The following ARHGAP31 variants were observed in gnomAD, a reference collection of about 807,000 sequenced individuals.
The protein encoded by ARHGAP31 is rho GTPase-activating protein 31.
ARHGAP31 carries 34 observed loss-of-function variants against 113.9 expected under a neutral mutation model. That is an observed-to-expected ratio of 0.30 (90% CI 0.23 to 0.40). ARHGAP31 has a LOEUF of 0.40. Among genes scored for constraint, ARHGAP31 ranks in the 10% least tolerant of loss-of-function variants. The pLI is 1.00. For missense variants in ARHGAP31, 1,548 were observed against 1,767.1 expected, an observed-to-expected ratio of 0.88 and a Z score of 2.22; for synonymous variants, 650 against 684.8, an observed-to-expected ratio of 0.95 and a Z score of 0.79.
chr3:119,296,620 GT>G (rs2079535928), intron 1 of ARHGAP31, among the ~76,000 whole-genome samples: 1 of 152,144 alleles, frequency 6.6e-6, no homozygotes, highest in Non-Finnish European at 1.5e-5. Context: ...AGCCCTGTTC[GT>G]TCTTACAAAC....
Position 119,295,024 on chromosome 3 carries a change from C to T in ARHGAP31, c.100+20C>T. 6.2e-7 allele frequency: 1 copy of T among 1,608,668 alleles called. No homozygotes were observed. The highest frequency in any genetic ancestry group is 2.2e-5 in the East Asian group (1 of 44,852). Reference sequence around the variant, plus strand: ...AGGATGGTAATGTGCCTTGGCCTTTCTCCCCCGCCCCCACCTTCTTTTTGT... The same window carrying T: ...AGGATGGTAATGTGCCTTGGCCTTTTTCCCCCGCCCCCACCTTCTTTTTGT... On this transcript the variant is annotated intron_variant, in intron 1 of 11. Coordinates refer to ENST00000264245, the MANE Select transcript of ARHGAP31 (RefSeq NM_020754.4).
intron 6 of ARHGAP31, among the ~76,000 whole-genome samples, chr3:119,388,882 C>T (rs991585603): frequency 7.2e-5 from 11 of 152,130 alleles, no homozygotes; most frequent in African/African-American, 2.7e-4. Flanking sequence ...AGGGGCCAGG[C>T]GCGGTGGCTC....
chr3:119,359,666 A>C (rs2080188828), intron 1 of ARHGAP31, among the ~76,000 whole-genome samples: 1 of 152,082 alleles, frequency 6.6e-6, no homozygotes, highest in Non-Finnish European at 1.5e-5. Flanking sequence ...AGAGGAGTGG[A>C]ACAGGGATGG....
intron 1 of ARHGAP31, among the ~76,000 whole-genome samples, chr3:119,300,042 A>G (rs1459107904): frequency 6.6e-6 from 1 of 152,180 alleles, no homozygotes; most frequent in African/African-American, 2.4e-5. Flanking sequence ...CTCCTGAGGC[A>G]GGTGCCCCTG....
At chr3:119,296,586 G>A (rs903253972) in intron 1 of ARHGAP31, among the ~76,000 whole-genome samples, 1 of 152,178 alleles carries the variant, frequency 6.6e-6, no homozygotes, top group Non-Finnish European at 1.5e-5. Context: ...TCAAATCTGT[G>A]AGAGTTGCAT....
chr3:119,364,981 C>T (rs2080240994), intron 1 of ARHGAP31, among the ~76,000 whole-genome samples: 1 of 152,102 alleles, frequency 6.6e-6, no homozygotes, highest in Non-Finnish European at 1.5e-5. Context: ...GTAATCCCAG[C>T]TACTCGGGAG....
intron 1 of ARHGAP31, among the ~76,000 whole-genome samples, chr3:119,317,468 C>T (rs983717879): frequency 2.0e-5 from 3 of 152,114 alleles, no homozygotes; most frequent in Admixed American, 6.6e-5. Flanking sequence ...TGAGTCACTG[C>T]GCCTGGCCAC....
rs1376035003 is a variant in ARHGAP31, at chr3:119,419,436, C to A, written c.*3172C>A. 1.3e-5 allele frequency: 2 copies of A among 152,124 alleles called. No homozygotes were observed. Among genetic ancestry groups the A allele is most frequent in the Non-Finnish European group, 2.9e-5 (2 of 68,032 alleles). 9.4% of individuals were successfully genotyped at this position (152,124 alleles called of 1,614,324 possible). On this transcript the variant is annotated 3_prime_UTR_variant, in exon 12 of 12. Transcript: ENST00000264245. Reference sequence around the variant, plus strand: ...CTAAAATTCAAAATATTGTCCAAGTCAAAAGTCTAGACTCTGAGGACATTA... The same window carrying A: ...CTAAAATTCAAAATATTGTCCAAGTAAAAAGTCTAGACTCTGAGGACATTA...
chr3:119,379,832 A>G (rs2080379711), intron 3 of ARHGAP31, among the ~76,000 whole-genome samples: 1 of 152,220 alleles, frequency 6.6e-6, no homozygotes, highest in Admixed American at 6.5e-5. Flanking sequence ...ATCTCAGTGA[A>G]AAAGGAAAGA....
chr3:119,399,896 T>C (rs1298692681), intron 9 of ARHGAP31, among the ~76,000 whole-genome samples: 2 of 152,228 alleles, frequency 1.3e-5, no homozygotes, highest in East Asian at 1.9e-4. Context: ...ATAACATTTG[T>C]TCTCACAGCT....
chr3:119,387,864 A>G (rs1195232901), intron 6 of ARHGAP31, among the ~76,000 whole-genome samples: 4 of 152,228 alleles, frequency 2.6e-5, no homozygotes, highest in Admixed American at 1.3e-4. Flanking sequence ...AATAAATACC[A>G]AGAAGAAAAC....
At chr3:119,308,946 T>A (rs1475959414) in intron 1 of ARHGAP31, among the ~76,000 whole-genome samples, 2 of 152,102 alleles carry the variant, frequency 1.3e-5, no homozygotes, top group East Asian at 3.9e-4. Context: ...ACTCAAGTGA[T>A]CCTCCCGCCT....
chr3:119,327,493 C>T (rs373622859), intron 1 of ARHGAP31, among the ~76,000 whole-genome samples: 3 of 151,238 alleles, frequency 2.0e-5, no homozygotes, highest in Non-Finnish European at 4.4e-5. Context: ...TGCAGTGAGC[C>T]GAGATCATGC....
intron 3 of ARHGAP31, among the ~76,000 whole-genome samples, chr3:119,374,749 G>T (rs1380637353): frequency 6.6e-6 from 1 of 152,054 alleles, no homozygotes; most frequent in Non-Finnish European, 1.5e-5. Flanking sequence ...GTTTCCCAAG[G>T]CCTCCTAGCC....
At chr3:119,337,066 G>T (rs2079958387) in intron 1 of ARHGAP31, among the ~76,000 whole-genome samples, 1 of 152,138 alleles carries the variant, frequency 6.6e-6, no homozygotes, top group Admixed American at 6.6e-5. Flanking sequence ...ATGGACATTT[G>T]AATTGTTTCC....
chr3:119,336,955 G>A (rs958043667), intron 1 of ARHGAP31, among the ~76,000 whole-genome samples: 3 of 152,152 alleles, frequency 2.0e-5, no homozygotes, highest in Non-Finnish European at 4.4e-5. Context: ...ATATTTTCAA[G>A]GGATATCCAC....
chr3:119,322,317 A>G (rs959796485), intron 1 of ARHGAP31, among the ~76,000 whole-genome samples: 1 of 152,220 alleles, frequency 6.6e-6, no homozygotes, highest in Non-Finnish European at 1.5e-5. Context: ...TGTCTCTTGA[A>G]TTTATCTTAG....
intron 10 of ARHGAP31, 33 bp from the exon 11 acceptor site, chr3:119,409,463 T>C (rs1245031524): frequency 1.2e-6 from 2 of 1,613,398 alleles, no homozygotes; most frequent in Admixed American, 1.7e-5. Flanking sequence ...AAATGAAGTC[T>C]CCTTTAACTG....
At chr3:119,384,386 A>G (rs950833452) in intron 6 of ARHGAP31, among the ~76,000 whole-genome samples, 2 of 152,232 alleles carry the variant, frequency 1.3e-5, no homozygotes, top group Non-Finnish European at 2.9e-5. Flanking sequence ...TCATCAGTCC[A>G]AAAAGAAACC....
Sources: gnomAD v4.1 joint callset for allele counts (sites outside exome capture counted in the v4.1 genomes callset) on GRCh38, gnomAD v4.1.1 for gene constraint, MANE v1.5 for transcripts, NCBI Gene and HGNC (gene_info 2026-07-23, HGNC 2026-07-21) for gene names.